Variants in KALRN observed in about 807,000 individuals in gnomAD.
KALRN encodes kalirin.
KALRN carries 70 observed loss-of-function variants against 353.7 expected under a neutral mutation model. That is an observed-to-expected ratio of 0.20 (90% confidence interval 0.16 to 0.24). The LOEUF (loss-of-function observed/expected upper bound fraction) is 0.24. Ranked by LOEUF, KALRN falls within the 10% of genes least tolerant of loss-of-function variation. KALRN has a pLI of 1.00. For missense variants in KALRN, 2,791 were observed against 3,756.7 expected (o/e 0.74, Z 6.72); for synonymous variants, 1,391 against 1,434.8 (o/e 0.97, Z 0.69).
At chr3:124,241,963 A>G (rs763400646) in intron 3 of KALRN, among the ~76,000 whole-genome samples, 9 of 152,254 alleles carry the variant, frequency 5.9e-5, no homozygotes, top group Non-Finnish European at 1.2e-4. Context: ...TAAGTTCCAG[A>G]AACTCAAGAT....
At chr3:124,419,644 G>T (rs184465319) in intron 14 of KALRN, among the ~76,000 whole-genome samples, 2 of 152,122 alleles carry the variant, frequency 1.3e-5, no homozygotes, top group African/African-American at 4.8e-5. Flanking sequence ...TGGCTCTGGC[G>T]TCAAGAAGCC....
intron 25 of KALRN, among the ~76,000 whole-genome samples, chr3:124,469,147 C>G (rs374751844): frequency 2.6e-5 from 4 of 152,202 alleles, no homozygotes; most frequent in Non-Finnish European, 5.9e-5. Context: ...CTTTATTCAT[C>G]TGATCACACA....
At chr3:124,112,000 A>G in intron 1 of KALRN, among the ~76,000 whole-genome samples, 1 of 150,166 alleles carries the variant, frequency 6.7e-6, no homozygotes, top group Admixed American at 6.6e-5. Flanking sequence ...GAAGAAAGAA[A>G]ATATTAAGGC....
Position 124,723,328 on chromosome 3 carries a change from G to C in KALRN, c.*3858G>C, listed in dbSNP as rs2063381998. Reference sequence around the variant, plus strand: ...CAGGAATGTTTGAGTTTCAATCTCAGCTATTCCTGATTCATCTTTTCTTAC... The same window carrying C: ...CAGGAATGTTTGAGTTTCAATCTCACCTATTCCTGATTCATCTTTTCTTAC... On this transcript the variant is annotated 3_prime_UTR_variant, in exon 60 of 60. Transcript: ENST00000682506. 1 of 152,202 alleles carries C rather than the reference G, an allele frequency of 6.6e-6. No individual in the cohort carries two copies. The highest frequency in any genetic ancestry group is 1.5e-5 in the Non-Finnish European group (1 of 68,026). 9.4% of individuals were successfully genotyped at this position (152,202 alleles called of 1,614,324 possible). A position where few individuals can be genotyped will look rare whatever the true frequency, so the allele number is the denominator to read the frequency against.
chr3:124,572,798 G>T (rs1056897087), intron 34 of KALRN, among the ~76,000 whole-genome samples: 9 of 152,304 alleles, frequency 5.9e-5, no homozygotes, highest in African/African-American at 2.2e-4. Flanking sequence ...AACACTTTCA[G>T]AGGTTGAGGC....
chr3:124,269,030 C>T lies in KALRN; in HGVS notation c.744C>T (p.Asp248=), dbSNP rs1172648613. ...KVLKAPVEEL[D]REGQRLLQCI... ...TGAAGGCCCCTGTGGAGGAGCTGGACCGGGAGGGGCAGCGGCTGCTGCAGT... is the reference window on the plus strand; with the variant it reads ...TGAAGGCCCCTGTGGAGGAGCTGGATCGGGAGGGGCAGCGGCTGCTGCAGT... The change falls in exon 5 of 60, where the codon GAC becomes GAT. Residue 248 remains aspartate, a synonymous_variant. Transcript: ENST00000682506. The T allele has an allele frequency of 7.4e-6, 12 of 1,613,556 alleles. No homozygotes were observed. The highest frequency in any genetic ancestry group is 1.0e-5 in the Non-Finnish European group (12 of 1,179,862).
chr3:124,715,383 C>T (rs1017810012), intron 58 of KALRN, among the ~76,000 whole-genome samples: 5 of 152,164 alleles, frequency 3.3e-5, no homozygotes, highest in African/African-American at 1.2e-4. Context: ...TTTGGATTCC[C>T]TAGTCTAGGG....
chr3:124,341,733 C>T (rs1309612457), intron 9 of KALRN, among the ~76,000 whole-genome samples: 1 of 152,084 alleles, frequency 6.6e-6, no homozygotes, highest in East Asian at 1.9e-4. Context: ...CCTGGGAGTA[C>T]AAAGAGGTTG....
chr3:124,643,471 T>G (rs1319589948), intron 37 of KALRN, among the ~76,000 whole-genome samples: 1 of 152,164 alleles, frequency 6.6e-6, no homozygotes. Flanking sequence ...GAATATTACT[T>G]AAGGATTTTG....
At chr3:124,629,154 C>T (rs59329079) in intron 34 of KALRN, among the ~76,000 whole-genome samples, 20,290 of 152,126 alleles carry the variant, frequency 0.13, 1,609 homozygotes, top group East Asian at 0.35. Context: ...GTCAGGTATT[C>T]TCCCAAGATC....
In KALRN at chr3:124,495,996, T is replaced by TAC. The variant is rs1348247560; in HGVS notation, c.4833-314_4833-313insCA. 2.4e-4 allele frequency among the ~76,000 whole-genome samples: 14 copies of TAC among 57,410 alleles called. 1 individual carries two copies. The highest frequency in any genetic ancestry group is 3.0e-4 in the Non-Finnish European group (10 of 32,960). 37.7% of individuals were successfully genotyped at this position (57,410 alleles called of 152,430 possible). A position where few individuals can be genotyped will look rare whatever the true frequency, so the allele number is the denominator to read the frequency against. Reference sequence around the variant, plus strand: ...ATATATATATATATATATATATATATATATATATATATATATACACACACA... The same window carrying TAC: ...ATATATATATATATATATATATATATACATATATATATATATATACACACACA... On this transcript the variant is annotated intron_variant, in intron 32 of 59. Coordinates refer to ENST00000682506, the MANE Select transcript of KALRN (RefSeq NM_001388419.1).
intron 1 of KALRN, among the ~76,000 whole-genome samples, chr3:124,108,272 C>G (rs1049675130): frequency 1.3e-5 from 2 of 152,178 alleles, no homozygotes; most frequent in African/African-American, 4.8e-5. Flanking sequence ...GATCATATCA[C>G]TGGTACATTT....
chr3:124,299,043 T>A, intron 6 of KALRN, 130 bp downstream of exon 6: 4 of 1,243,784 alleles, frequency 3.2e-6, no homozygotes, highest in Non-Finnish European at 1.1e-6. Context: ...GTGTTCCATT[T>A]GTTGGAATGG....
At chr3:124,440,363 A>G (rs1454167248) in intron 18 of KALRN, among the ~76,000 whole-genome samples, 2 of 152,178 alleles carry the variant, frequency 1.3e-5, no homozygotes, top group African/African-American at 4.8e-5. Context: ...CCCTGAAACC[A>G]TAGTGAGAAG....
intron 10 of KALRN, among the ~76,000 whole-genome samples, chr3:124,353,674 G>A (rs1208440988): frequency 6.6e-6 from 1 of 151,900 alleles, no homozygotes; most frequent in Non-Finnish European, 1.5e-5. Flanking sequence ...GCAAATGCAA[G>A]CAGAAGGAAA....
intron 1 of KALRN, among the ~76,000 whole-genome samples, chr3:124,124,998 G>A (rs186514771): frequency 3.2e-4 from 49 of 152,248 alleles, no homozygotes; most frequent in Non-Finnish European, 4.1e-4. Context: ...GAGGGTTTGC[G>A]TTTAACGTTG....
At chr3:124,189,881 G>A (rs565189595) in intron 1 of KALRN, among the ~76,000 whole-genome samples, 1 of 149,698 alleles carries the variant, frequency 6.7e-6, no homozygotes, top group East Asian at 2.0e-4. Flanking sequence ...AGAGGTTGCA[G>A]TGAGCTAAGA....
intron 34 of KALRN, among the ~76,000 whole-genome samples, chr3:124,575,044 C>T (rs2073953541): frequency 6.6e-6 from 1 of 152,234 alleles, no homozygotes; most frequent in African/African-American, 2.4e-5. Flanking sequence ...CCAAACCCTG[C>T]AAACAAGCAT....
chr3:124,685,785 G>A (rs3755699), intron 51 of KALRN, among the ~76,000 whole-genome samples: 8 of 152,142 alleles, frequency 5.3e-5, no homozygotes, highest in Admixed American at 1.3e-4. Flanking sequence ...CACTCAGCAC[G>A]CCCTGTCATG....
Sources: gnomAD v4.1 joint callset for allele counts (sites outside exome capture counted in the v4.1 genomes callset) on GRCh38, gnomAD v4.1.1 for gene constraint, MANE v1.5 for transcripts, NCBI Gene and HGNC (gene_info 2026-07-23, HGNC 2026-07-21) for gene names.